Variants in B4GALNT2 observed in about 807,000 individuals in gnomAD.
B4GALNT2 encodes the protein N-acetylneuraminylgalactosylglucosyl-glucoside beta-1,4-N- acetylgalactosaminyltransferase 2.
Under a neutral mutation model 51.1 loss-of-function variants are expected in B4GALNT2, and 42 were observed. That is an observed-to-expected ratio of 0.82 (90% CI 0.64 to 1.06). The LOEUF (loss-of-function observed/expected upper bound fraction) is 1.06. Among genes scored for constraint, B4GALNT2 ranks in the 50% least tolerant of loss-of-function variants. The probability of loss-of-function intolerance (pLI) is 0.00; values close to 1 mark genes in which losing one functional copy is unlikely to be tolerated. For missense variants in B4GALNT2, 602 were observed against 633.6 expected (o/e 0.95, Z 0.54); for synonymous variants, 253 against 251.7 (o/e 1.01, Z -0.05).
chr17:49,125,127 C>CT, the B4GALNT2 span, among the ~76,000 whole-genome samples: 1 of 151,888 alleles, frequency 6.6e-6, no homozygotes, highest in African/African-American at 2.4e-5. Context: ...GCAACCTTTA[C>CT]TTTTGTTGGT....
At chr17:49,160,491 G>A (rs1486289842) in intron 6 of B4GALNT2, 64 bp from the exon 7 acceptor site, 6 of 1,488,406 alleles carry the variant, frequency 4.0e-6, no homozygotes, top group Non-Finnish European at 5.6e-6. Context: ...TGGCTTCCCG[G>A]GGTGGCATGG....
At chr17:49,159,576 G>A (rs1334361681) in intron 6 of B4GALNT2, among the ~76,000 whole-genome samples, 1 of 152,040 alleles carries the variant, frequency 6.6e-6, no homozygotes, top group Non-Finnish European at 1.5e-5. Flanking sequence ...TCCTGACCTC[G>A]TGATCCACCT....
intron 2 of B4GALNT2, 128 bp downstream of exon 2, chr17:49,141,575 A>C: frequency 4.9e-6 from 5 of 1,012,738 alleles, no homozygotes; most frequent in African/African-American, 1.6e-5. Flanking sequence ...TGCTGAATGC[A>C]CAAGTGACTG....
chr17:49,132,880 C>G, intron 1 of B4GALNT2, 74 bp downstream of exon 1: 1 of 1,374,974 alleles, frequency 7.3e-7, no homozygotes, highest in Non-Finnish European at 9.4e-7. Context: ...TCCTTTCTGG[C>G]GTCTGCAGAG....
chr17:49,131,800 C>T (rs1272644252), upstream of B4GALNT2, among the ~76,000 whole-genome samples: 1 of 151,994 alleles, frequency 6.6e-6, no homozygotes, highest in Non-Finnish European at 1.5e-5. Flanking sequence ...CATGAGACAC[C>T]GCACCCGGCC....
At chr17:49,150,528 C>T (rs2042742989) in intron 3 of B4GALNT2, among the ~76,000 whole-genome samples, 1 of 152,022 alleles carries the variant, frequency 6.6e-6, no homozygotes, top group Non-Finnish European at 1.5e-5. Context: ...GTTGCCGTGT[C>T]TGTGTAGAAA....
chr17:49,126,319 A>G, the B4GALNT2 span, among the ~76,000 whole-genome samples: 1 of 152,190 alleles, frequency 6.6e-6, no homozygotes, highest in South Asian at 2.1e-4. Context: ...GTTAAGAGTC[A>G]CCACCACTCC....
At chr17:49,146,914 T>C (rs2042700185) in intron 3 of B4GALNT2, among the ~76,000 whole-genome samples, 2 of 152,226 alleles carry the variant, frequency 1.3e-5, no homozygotes, top group African/African-American at 4.8e-5. Context: ...CTTCAGCTAA[T>C]GAAATTACAT....
At chr17:49,133,277 G>A in intron 1 of B4GALNT2, 1 of 1,435,322 alleles carries the variant, frequency 7.0e-7, no homozygotes, top group South Asian at 1.5e-5. Context: ...GAGCCCGGCG[G>A]CTTGGTCTCC....
At chr17:49,132,828 C>G (rs1442620305) in intron 1 of B4GALNT2, 22 bp downstream of exon 1, 3 of 1,376,382 alleles carry the variant, frequency 2.2e-6, no homozygotes, top group African/African-American at 1.5e-5. Flanking sequence ...CGGGGCAGAG[C>G]AGAGCGAGAG....
chr17:49,131,646 G>T (rs566817271), upstream of B4GALNT2, among the ~76,000 whole-genome samples: 1 of 152,114 alleles, frequency 6.6e-6, no homozygotes, highest in East Asian at 1.9e-4. Flanking sequence ...AAGTAGCTGG[G>T]ATTACAGGTG....
chr17:49,133,957 C>T (rs1251886557), intron 1 of B4GALNT2, among the ~76,000 whole-genome samples: 1 of 152,068 alleles, frequency 6.6e-6, no homozygotes, highest in African/African-American at 2.4e-5. Context: ...AAACAAAAAG[C>T]AGCAACACAC....
At chr17:49,134,710 C>T (rs770062690) in intron 1 of B4GALNT2, among the ~76,000 whole-genome samples, 6 of 152,176 alleles carry the variant, frequency 3.9e-5, no homozygotes, top group Non-Finnish European at 7.3e-5. Context: ...GCCTCAGCCT[C>T]CAGAGTAGCC....
At chr17:49,132,765 C>T (rs2042550650), upstream of B4GALNT2, 4 of 1,388,874 alleles carry the variant, frequency 2.9e-6, no homozygotes, top group South Asian at 1.7e-5. Flanking sequence ...CCGTGACATC[C>T]GGCAGTCTGA....
intron 10 of B4GALNT2, 112 bp downstream of exon 10, chr17:49,169,012 C>A: frequency 9.4e-7 from 1 of 1,065,218 alleles, no homozygotes; most frequent in Non-Finnish European, 1.4e-6. Flanking sequence ...TGCCCAGTAG[C>A]AGTACATCCC....
intron 1 of B4GALNT2, among the ~76,000 whole-genome samples, chr17:49,136,801 C>T (rs1353896486): frequency 6.6e-6 from 1 of 152,072 alleles, no homozygotes; most frequent in Non-Finnish European, 1.5e-5. Flanking sequence ...CCTGTCTCGG[C>T]CTCCCAAAGT....
chr17:49,145,196 AC>A (rs1195580968), intron 3 of B4GALNT2, among the ~76,000 whole-genome samples: 1 of 152,176 alleles, frequency 6.6e-6, no homozygotes, highest in African/African-American at 2.4e-5. Flanking sequence ...GTCAACTTGA[AC>A]CCATACACAT....
At chr17:49,163,331 T>C (rs573794647) in intron 7 of B4GALNT2, among the ~76,000 whole-genome samples, 4 of 152,322 alleles carry the variant, frequency 2.6e-5, no homozygotes, top group African/African-American at 9.6e-5. Flanking sequence ...AGGTAAGCTT[T>C]TCTCTAGGAG....
At chr17:49,160,722 CGGA>C in intron 7 of B4GALNT2, 81 bp downstream of exon 7, 1 of 1,311,084 alleles carries the variant, frequency 7.6e-7, no homozygotes, top group Non-Finnish European at 1.1e-6. Flanking sequence ...ACCTCTGAGA[CGGA>C]GGAGAATTGA....
Sources: gnomAD v4.1 joint callset for allele counts (sites outside exome capture counted in the v4.1 genomes callset) on GRCh38, gnomAD v4.1.1 for gene constraint, MANE v1.5 for transcripts, NCBI Gene and HGNC (gene_info 2026-07-23, HGNC 2026-07-21) for gene names.